ADCY2: variants seen among roughly 807,000 people sequenced by gnomAD.
The protein encoded by ADCY2 is adenylate cyclase type 2.
A neutral mutation model predicts 125.2 loss-of-function variants in ADCY2; 31 were observed. The ratio of observed to expected loss-of-function variants is 0.25; its 90% CI spans 0.19 to 0.33. ADCY2 has a LOEUF of 0.33. Ranked by LOEUF, ADCY2 falls within the 10% of genes least tolerant of loss-of-function variation. The pLI, the probability that ADCY2 is intolerant of heterozygous loss-of-function variation, is 1.00. For missense variants in ADCY2, 904 were observed against 1,418.2 expected (o/e 0.64, Z 5.82); for synonymous variants, 512 against 548.4 (o/e 0.93, Z 0.93).
intron 2 of ADCY2, among the ~76,000 whole-genome samples, chr5:7,465,554 C>G (rs180700862): frequency 6.6e-6 from 1 of 152,302 alleles, no homozygotes; most frequent in Admixed American, 6.5e-5. Flanking sequence ...AGAGCAGGTA[C>G]AAGGTGTATT....
At chr5:7,583,747 C>A (rs1213509172) in intron 3 of ADCY2, among the ~76,000 whole-genome samples, 1 of 152,062 alleles carries the variant, frequency 6.6e-6, no homozygotes, top group Non-Finnish European at 1.5e-5. Flanking sequence ...AGCAATTCAA[C>A]TTCTAGGTAT....
intron 2 of ADCY2, among the ~76,000 whole-genome samples, chr5:7,427,685 A>G (rs556171679): frequency 6.6e-6 from 1 of 152,216 alleles, no homozygotes; most frequent in South Asian, 2.1e-4. Context: ...CAATGATCTT[A>G]TTTCCAAATA....
In ADCY2 at chr5:7,816,290, G is replaced by A. The variant is rs150969231; in HGVS notation, c.2884-576G>A. 3.0e-3 allele frequency among the ~76,000 whole-genome samples: 462 copies of A among 152,326 alleles called. 3 individuals are homozygous for A. Among genetic ancestry groups the A allele is most frequent in the African/African-American group, 0.01 (432 of 41,588 alleles). On this transcript the variant is annotated intron_variant, in intron 22 of 24. Transcript: ENST00000338316. ...GCAGAGACAGTAGCTGCCACCCGGG[G>A]CAGTAGCCCTTGTCCTCCGTGAAGA...
At chr5:7,479,767 G>T (rs992273409) in intron 2 of ADCY2, among the ~76,000 whole-genome samples, 11 of 151,958 alleles carry the variant, frequency 7.2e-5, no homozygotes, top group African/African-American at 2.7e-4. Flanking sequence ...CCAGCCTCTG[G>T]TGGTCATCCT....
At chr5:7,820,000 G>T (rs1745245952) in intron 23 of ADCY2, among the ~76,000 whole-genome samples, 1 of 152,246 alleles carries the variant, frequency 6.6e-6, no homozygotes. Flanking sequence ...CCGCAGGCCA[G>T]TGTCCAGCGG....
intron 4 of ADCY2, among the ~76,000 whole-genome samples, chr5:7,672,300 A>C (rs1205644670): frequency 6.6e-6 from 1 of 152,210 alleles, no homozygotes; most frequent in Non-Finnish European, 1.5e-5. Flanking sequence ...CCTTCGGATG[A>C]AGGATATAAA....
At chr5:7,600,746 G>A (rs1038636443) in intron 3 of ADCY2, among the ~76,000 whole-genome samples, 3 of 152,220 alleles carry the variant, frequency 2.0e-5, no homozygotes, top group African/African-American at 7.2e-5. Flanking sequence ...CAGGGGTCTG[G>A]TGGGTAAATT....
chr5:7,404,587 C>CT (rs1330060784), intron 1 of ADCY2, among the ~76,000 whole-genome samples: 2 of 152,214 alleles, frequency 1.3e-5, no homozygotes, highest in African/African-American at 4.8e-5. Flanking sequence ...GCTTCCATGT[C>CT]TAACTACTGG....
intron 3 of ADCY2, among the ~76,000 whole-genome samples, chr5:7,563,591 A>G (rs1325877266): frequency 6.6e-6 from 1 of 152,198 alleles, no homozygotes; most frequent in African/African-American, 2.4e-5. Flanking sequence ...AACTTCATAT[A>G]TAGAGCTTTG....
chr5:7,660,483 G>A (rs1480473015), intron 4 of ADCY2, among the ~76,000 whole-genome samples: 1 of 152,158 alleles, frequency 6.6e-6, no homozygotes, highest in Non-Finnish European at 1.5e-5. Flanking sequence ...TGTATATATA[G>A]AGAAGGAAAT....
At chr5:7,783,232 CT>C (rs1337525452) in intron 18 of ADCY2, among the ~76,000 whole-genome samples, 1 of 152,128 alleles carries the variant, frequency 6.6e-6, no homozygotes, top group East Asian at 1.9e-4. Flanking sequence ...ACTCCCCTTC[CT>C]TATCATTCTG....
At chr5:7,711,622 A>G (rs1741442655) in intron 10 of ADCY2, among the ~76,000 whole-genome samples, 1 of 152,168 alleles carries the variant, frequency 6.6e-6, no homozygotes, top group Non-Finnish European at 1.5e-5. Flanking sequence ...TGAGCGTAGG[A>G]TCCAGGAATG....
In ADCY2 at chr5:7,647,376, C is replaced by T. The variant is rs10474817; in HGVS notation, c.720+21060C>T. On this transcript the variant is annotated intron_variant, in intron 4 of 24. Coordinates refer to ENST00000338316, the MANE Select transcript of ADCY2 (RefSeq NM_020546.3). ...ACGTAAGCAATGATAATATCTGCCA[C>T]ACAAGATTCTTCCTGAGACAAATTG... 3.9e-3 allele frequency among the ~76,000 whole-genome samples: 594 copies of T among 152,194 alleles called. 1 individual carries two copies. Among genetic ancestry groups the T allele is most frequent in the African/African-American group, 0.013 (550 of 41,530 alleles).
intron 22 of ADCY2, among the ~76,000 whole-genome samples, chr5:7,809,700 T>C (rs1029501767): frequency 6.6e-6 from 1 of 152,236 alleles, no homozygotes; most frequent in South Asian, 2.1e-4. Flanking sequence ...AGTAACAACA[T>C]ACTTACCCAT....
At chr5:7,571,855 A>T (rs564679054) in intron 3 of ADCY2, among the ~76,000 whole-genome samples, 1 of 152,218 alleles carries the variant, frequency 6.6e-6, no homozygotes, top group Non-Finnish European at 1.5e-5. Flanking sequence ...TGTTCTCATC[A>T]TGTAGCTCCT....
At chr5:7,714,496 A>C (rs1741537268) in intron 11 of ADCY2, among the ~76,000 whole-genome samples, 1 of 152,262 alleles carries the variant, frequency 6.6e-6, no homozygotes, top group African/African-American at 2.4e-5. Flanking sequence ...CTGCAGCGTT[A>C]CTGCAAGGCA....
intron 2 of ADCY2, among the ~76,000 whole-genome samples, chr5:7,513,096 CACACACACACAG>C (rs1744127777): frequency 6.9e-6 from 1 of 144,602 alleles, no homozygotes; most frequent in African/African-American, 2.5e-5. Context: ...CACACACACA[CACACACACACAG>C]AGAGAGAGAG....
At chr5:7,520,587 T>C in intron 2 of ADCY2, 151 bp from the exon 3 acceptor site, 5 of 816,924 alleles carry the variant, frequency 6.1e-6, no homozygotes, top group Non-Finnish European at 9.4e-6. Flanking sequence ...AGTGGACTTA[T>C]TTGCATCGAC....
intron 3 of ADCY2, among the ~76,000 whole-genome samples, chr5:7,559,024 A>G (rs1196737455): frequency 1.3e-5 from 2 of 152,036 alleles, no homozygotes; most frequent in Non-Finnish European, 2.9e-5. Flanking sequence ...ATTCTGTTCC[A>G]TTGGTCTGTG....
Sources: allele counts gnomAD v4.1 joint callset (sites outside exome capture counted in the v4.1 genomes callset), GRCh38; gene constraint gnomAD v4.1.1; transcripts MANE v1.5; gene names NCBI Gene and HGNC (gene_info 2026-07-23, HGNC 2026-07-21).